ADAM32: variants seen among roughly 807,000 people sequenced by gnomAD.
ADAM32 encodes disintegrin and metalloproteinase domain-containing protein 32.
A neutral mutation model predicts 114.9 loss-of-function variants in ADAM32; 89 were observed. That is an observed-to-expected ratio of 0.77 (90% CI 0.65 to 0.92). The LOEUF is 0.92. ADAM32 is among the 40% of genes least tolerant of loss of function. The pLI is 0.00. For missense variants in ADAM32, 870 were observed against 932.8 expected (o/e 0.93, Z 0.88); for synonymous variants, 285 against 307.5 (o/e 0.93, Z 0.77).
At chr8:39,131,964 G>A in intron 2 of ADAM32, 1 of 303,932 alleles carries the variant, frequency 3.3e-6, no homozygotes, top group East Asian at 1.5e-4. Context: ...CACGATCTCG[G>A]CTCACCTCAA....
chr8:39,173,213 G>A (rs1292782048), intron 10 of ADAM32, among the ~76,000 whole-genome samples: 3 of 152,220 alleles, frequency 2.0e-5, no homozygotes, highest in African/African-American at 4.8e-5. Context: ...AGCCGAGATC[G>A]TGCCACTGCA....
intron 22 of ADAM32, among the ~76,000 whole-genome samples, chr8:39,279,235 G>A (rs1411132254): frequency 6.6e-6 from 1 of 151,870 alleles, no homozygotes; most frequent in Non-Finnish European, 1.5e-5. Context: ...TTTTTCCACT[G>A]GAAATGATTA....
intron 14 of ADAM32, among the ~76,000 whole-genome samples, chr8:39,230,531 C>A (rs1006848257): frequency 6.6e-6 from 1 of 152,076 alleles, no homozygotes; most frequent in African/African-American, 2.4e-5. Flanking sequence ...TTCCTTTCTT[C>A]GGATAATCTC....
At chr8:39,174,687 G>A (rs1355673021) in intron 10 of ADAM32, among the ~76,000 whole-genome samples, 1 of 119,026 alleles carries the variant, frequency 8.4e-6, no homozygotes, top group Non-Finnish European at 1.8e-5. Context: ...AGTACCCAGA[G>A]TGTGATAGTT....
At position 39,243,768 on chromosome 8, in the gene ADAM32, G is replaced by A. The variant is rs560843928; in HGVS notation, c.1819-2315G>A. Among the ~76,000 whole-genome samples the A allele has an allele frequency of 2.0e-5, 3 of 151,820 alleles. No individual in the cohort carries two copies. The East Asian group carries it at 5.8e-4, about 29-fold the overall frequency. ...CACTTCTATTCAACATAGTACTGGA[G>A]GTCCTAGCCAGAGCAATCAAACAAG... is the stretch of plus-strand genomic sequence containing the variant. On this transcript the variant is annotated intron_variant, in intron 16 of 24. Coordinates refer to ENST00000379907, the MANE Select transcript of ADAM32 (RefSeq NM_145004.7).
intron 7 of ADAM32, among the ~76,000 whole-genome samples, chr8:39,161,779 GATTA>G (rs1158376257): frequency 6.6e-6 from 1 of 151,966 alleles, no homozygotes; most frequent in Admixed American, 6.6e-5. Context: ...AAAATAACTT[GATTA>G]ATTAGAGTAC....
chr8:39,180,730 C>T, intron 10 of ADAM32, among the ~76,000 whole-genome samples: 1 of 151,702 alleles, frequency 6.6e-6, no homozygotes, highest in East Asian at 1.9e-4. Context: ...TGTGAGTGCA[C>T]CAATTGACAC....
intron 16 of ADAM32, among the ~76,000 whole-genome samples, chr8:39,239,184 T>A (rs1279401069): frequency 6.6e-6 from 1 of 152,082 alleles, no homozygotes; most frequent in Non-Finnish European, 1.5e-5. Context: ...CACCAGGTAA[T>A]GTATAAAGGA....
At chr8:39,234,780 G>C (rs1585607791) in intron 16 of ADAM32, among the ~76,000 whole-genome samples, 2 of 152,222 alleles carry the variant, frequency 1.3e-5, no homozygotes, top group South Asian at 2.1e-4. Flanking sequence ...CACAGCAAAG[G>C]TTCCTGCTTA....
Position 39,180,377 on chromosome 8 carries a change from C to T in ADAM32, c.916-6532C>T, listed in dbSNP as rs145410640. 4.1e-3 allele frequency among the ~76,000 whole-genome samples: 625 copies of T among 152,330 alleles called. 5 individuals are homozygous for T. Among genetic ancestry groups the T allele is most frequent in the Non-Finnish European group, 6.2e-3 (420 of 68,020 alleles). On this transcript the variant is annotated intron_variant, in intron 10 of 24. Coordinates refer to ENST00000379907, the MANE Select transcript of ADAM32 (RefSeq NM_145004.7). ...TGGGGCAGGCCTCCGGACTGCAGCC[C>T]GCCATGCCTAAGCCTCCCCCGCCTC... is the stretch of plus-strand genomic sequence containing the variant.
At chr8:39,244,129 A>T (rs923321099) in intron 16 of ADAM32, among the ~76,000 whole-genome samples, 5 of 152,178 alleles carry the variant, frequency 3.3e-5, no homozygotes, top group Non-Finnish European at 5.9e-5. Context: ...GACACAAACA[A>T]ATGAAAACAC....
Position 39,233,999 on chromosome 8 carries a change from T to A in ADAM32, c.1735T>A (p.Cys579Ser). ...TTATGCTTTCGTACGAGATTCTGTATGCATAACTGTAGACTACAAATTGCC... is the reference window on the plus strand; with the variant it reads ...TTATGCTTTCGTACGAGATTCTGTAAGCATAACTGTAGACTACAAATTGCC... ...VIYAFVRDSV[C>S]ITVDYKLPRT... The change falls in exon 16 of 25, where the codon TGC becomes AGC. Residue 579 changes from cysteine (C) to serine (S), a missense_variant. Transcript: ENST00000379907. 1 of 1,567,072 alleles carries A rather than the reference T, an allele frequency of 6.4e-7. No homozygotes were observed. The highest frequency in any genetic ancestry group is 8.7e-7 in the Non-Finnish European group (1 of 1,154,014).
At chr8:39,245,636 A>G (rs1250711807) in intron 16 of ADAM32, among the ~76,000 whole-genome samples, 4 of 152,154 alleles carry the variant, frequency 2.6e-5, no homozygotes, top group Non-Finnish European at 5.9e-5. Context: ...AGGCCTCAGG[A>G]GAAACCAACC....
intron 11 of ADAM32, among the ~76,000 whole-genome samples, chr8:39,193,080 C>T (rs942483064): frequency 2.0e-5 from 3 of 152,116 alleles, no homozygotes; most frequent in Non-Finnish European, 2.9e-5. Context: ...AGGATGATAT[C>T]CTGAAATATG....
At chr8:39,144,041 G>T (rs1170266596) in intron 3 of ADAM32, among the ~76,000 whole-genome samples, 1 of 152,236 alleles carries the variant, frequency 6.6e-6, no homozygotes, top group African/African-American at 2.4e-5. Context: ...ACACAGGAGG[G>T]TATCTCCTGG....
At position 39,147,157 on chromosome 8, in the gene ADAM32, C is replaced by A; in HGVS notation, c.228C>A (p.Ile76=). 2 of 990,152 alleles carry A rather than the reference C, an allele frequency of 2.0e-6. No homozygotes were observed. The highest frequency in any genetic ancestry group is 2.7e-6 in the Non-Finnish European group (2 of 740,720). 61.3% of individuals were successfully genotyped at this position (990,152 alleles called of 1,614,324 possible). A position where few individuals can be genotyped will look rare whatever the true frequency, so the allele number is the denominator to read the frequency against. Residue 76 remains isoleucine (I), a synonymous_variant, in exon 4 of 25, where the codon ATC becomes ATA. Transcript: ENST00000379907. ...QRYFLADNFM[I]YLYNQGSMNT... ...ATTTTTTAGCAGATAATTTTATGAT[C>A]TATTTGTACAATCAAGGATCTATGA...
At chr8:39,185,201 G>A (rs564145136) in intron 10 of ADAM32, among the ~76,000 whole-genome samples, 14 of 151,696 alleles carry the variant, frequency 9.2e-5, no homozygotes, top group African/African-American at 3.1e-4. Context: ...GGAGGTGGAG[G>A]TTGCAGTGAG....
At chr8:39,230,595 C>G (rs753455650) in intron 14 of ADAM32, among the ~76,000 whole-genome samples, 1 of 152,152 alleles carries the variant, frequency 6.6e-6, no homozygotes, top group African/African-American at 2.4e-5. Context: ...CTCACATTCA[C>G]TATTGAACTG....
At chr8:39,244,996 A>C (rs1054810920) in intron 16 of ADAM32, among the ~76,000 whole-genome samples, 1 of 152,224 alleles carries the variant, frequency 6.6e-6, no homozygotes, top group East Asian at 1.9e-4. Context: ...AAAAACAAAG[A>C]TAAATAGATG....
Sources: allele counts gnomAD v4.1 joint callset (sites outside exome capture counted in the v4.1 genomes callset), GRCh38; gene constraint gnomAD v4.1.1; transcripts MANE v1.5; gene names NCBI Gene and HGNC (gene_info 2026-07-23, HGNC 2026-07-21).